Variants in SLC6A15 observed in about 807,000 individuals in gnomAD.
SLC6A15 encodes the protein sodium-dependent neutral amino acid transporter B(0)AT2.
Under a neutral mutation model 68.5 loss-of-function variants are expected in SLC6A15, and 33 were observed. The observed-to-expected ratio is 0.48, with a 90% CI of 0.37 to 0.64. The LOEUF (loss-of-function observed/expected upper bound fraction) is 0.64. SLC6A15 is among the 30% of genes least tolerant of loss of function. SLC6A15 has a pLI of 0.00. For synonymous variants in SLC6A15, 347 were observed against 301.0 expected (o/e 1.15, Z -1.58); for missense variants, 747 against 874.3 (o/e 0.85, Z 1.84).
chr12:84,874,179 C>G (rs896196601), intron 6 of SLC6A15, among the ~76,000 whole-genome samples: 1 of 152,114 alleles, frequency 6.6e-6, no homozygotes. Flanking sequence ...ACTAAGAACA[C>G]GAATTCTACA....
intron 5 of SLC6A15, among the ~76,000 whole-genome samples, chr12:84,877,696 C>A (rs1318209529): frequency 1.3e-5 from 2 of 152,126 alleles, no homozygotes; most frequent in Non-Finnish European, 2.9e-5. Context: ...CTTCCCTGAC[C>A]ACCCAAAATA....
intron 1 of SLC6A15, among the ~76,000 whole-genome samples, chr12:84,911,769 C>G (rs1209079934): frequency 6.6e-6 from 1 of 152,162 alleles, no homozygotes; most frequent in Admixed American, 6.5e-5. Context: ...TAGAAACGAT[C>G]TGGGTTTCTA....
chr12:84,897,859 C>T (rs1872693101), intron 1 of SLC6A15, among the ~76,000 whole-genome samples: 1 of 151,796 alleles, frequency 6.6e-6, no homozygotes. Flanking sequence ...AAAGAGGAGC[C>T]ATGTTGAAGA....
In SLC6A15 at chr12:84,885,526, G is replaced by T. The variant is rs1872058638; in HGVS notation, c.483C>A (p.Ile161=). ...CYFVALYYNV[I]IGWSLFYFSQ... ...AAAAATAAAACAAACTCCAGCCAAT[G>T]ATGACGTTGTAGTAGAGAGCTACAA... Residue 161 remains isoleucine (I), a synonymous_variant, in exon 4 of 12, where the codon ATC becomes ATA. Transcript: ENST00000266682. 6.2e-7 allele frequency: 1 copy of T among 1,613,352 alleles called. No homozygotes were observed. The highest frequency in any genetic ancestry group is 1.1e-5 in the South Asian group (1 of 91,068).
intron 5 of SLC6A15, among the ~76,000 whole-genome samples, chr12:84,878,465 A>G (rs915386605): frequency 6.6e-6 from 1 of 152,108 alleles, no homozygotes; most frequent in African/African-American, 2.4e-5. Context: ...GCATGGATTC[A>G]CTTTTGAACA....
intron 1 of SLC6A15, among the ~76,000 whole-genome samples, chr12:84,910,157 T>G (rs1873367366): frequency 6.6e-6 from 1 of 152,150 alleles, no homozygotes; most frequent in Non-Finnish European, 1.5e-5. Flanking sequence ...TCGATTAAAA[T>G]ACTACATCTC....
At chr12:84,881,913 T>C (rs1250446021) in intron 5 of SLC6A15, 1 of 985,330 alleles carries the variant, frequency 1.0e-6, no homozygotes, top group African/African-American at 1.7e-5. Context: ...TTTCTCCCCA[T>C]CAGTGCCTGT....
intron 1 of SLC6A15, among the ~76,000 whole-genome samples, chr12:84,904,403 TAA>T (rs1272083727): frequency 6.6e-6 from 1 of 152,124 alleles, no homozygotes; most frequent in Non-Finnish European, 1.5e-5. Context: ...AGAATGATTT[TAA>T]AAAGTCATTA....
At chr12:84,904,184 G>T (rs1162232349) in intron 1 of SLC6A15, among the ~76,000 whole-genome samples, 1 of 149,878 alleles carries the variant, frequency 6.7e-6, no homozygotes, top group Non-Finnish European at 1.5e-5. Flanking sequence ...CACATGGAAA[G>T]AGGGAGAGAA....
intron 5 of SLC6A15, among the ~76,000 whole-genome samples, chr12:84,879,028 T>C (rs1179720240): frequency 6.6e-6 from 1 of 151,926 alleles, no homozygotes; most frequent in Non-Finnish European, 1.5e-5. Flanking sequence ...TTCCACACTG[T>C]TTGCTAGCTA....
Position 84,869,273 on chromosome 12 carries a change from C to A in SLC6A15, c.1495+1205G>T, listed in dbSNP as rs1193775320. Among the ~76,000 whole-genome samples the A allele has an allele frequency of 3.3e-5, 5 of 151,994 alleles. No homozygotes were observed. The East Asian group carries it at 7.8e-4, about 24-fold the overall frequency. ...AGGAGATTGAGACCATCCTGGCTAACACGGTGAAACCCCGTCTCTATTAAA... is the reference window on the plus strand; with the variant it reads ...AGGAGATTGAGACCATCCTGGCTAAAACGGTGAAACCCCGTCTCTATTAAA... On this transcript the variant is annotated intron_variant, in intron 9 of 11. Transcript: ENST00000266682.
At chr12:84,868,160 C>T (rs1464351212) in intron 9 of SLC6A15, among the ~76,000 whole-genome samples, 1 of 152,182 alleles carries the variant, frequency 6.6e-6, no homozygotes, top group Non-Finnish European at 1.5e-5. Context: ...AAATTACCTC[C>T]ATCTCTTAAG....
intron 9 of SLC6A15, chr12:84,867,843 A>G (rs1336989286): frequency 6.6e-6 from 1 of 152,174 alleles, no homozygotes; most frequent in Non-Finnish European, 1.5e-5. Context: ...AAATCATCTA[A>G]AAAGAGTTTC....
rs1870772901 is a variant in SLC6A15, at chr12:84,859,855, T to C, written c.*1777A>G. Reference sequence around the variant, plus strand: ...AAGAGAGAATATAGAATGCTGTCATTTATGTAATATATTGTATTTCCAGAA... The same window carrying C: ...AAGAGAGAATATAGAATGCTGTCATCTATGTAATATATTGTATTTCCAGAA... On this transcript the variant is annotated 3_prime_UTR_variant, in exon 12 of 12. Coordinates refer to ENST00000266682, the MANE Select transcript of SLC6A15 (RefSeq NM_182767.6). 1 of 152,018 alleles carries C rather than the reference T, an allele frequency of 6.6e-6. No individual in the cohort carries two copies. The highest frequency in any genetic ancestry group is 1.5e-5 in the Non-Finnish European group (1 of 67,916). 9.4% of individuals were successfully genotyped at this position (152,018 alleles called of 1,614,324 possible). A position where few individuals can be genotyped will look rare whatever the true frequency, so the allele number is the denominator to read the frequency against.
At chr12:84,902,266 T>C (rs1378445922) in intron 1 of SLC6A15, among the ~76,000 whole-genome samples, 1 of 152,022 alleles carries the variant, frequency 6.6e-6, no homozygotes, top group Non-Finnish European at 1.5e-5. Context: ...TATTTATACT[T>C]CATTAAATGT....
At chr12:84,862,274 G>A (rs940023431) in intron 11 of SLC6A15, among the ~76,000 whole-genome samples, 15 of 152,102 alleles carry the variant, frequency 9.9e-5, no homozygotes, top group African/African-American at 3.6e-4. Flanking sequence ...AGAGAGCCCA[G>A]CTCTCCTCCA....
chr12:84,904,171 C>T (rs1288749919), intron 1 of SLC6A15, among the ~76,000 whole-genome samples: 1 of 143,384 alleles, frequency 7.0e-6, no homozygotes, highest in Non-Finnish European at 1.5e-5. Flanking sequence ...CTGCTAGAAA[C>T]CCCACATGGA....
At chr12:84,880,838 A>G (rs1466381519) in intron 5 of SLC6A15, 4 of 880,738 alleles carry the variant, frequency 4.5e-6, no homozygotes, top group Non-Finnish European at 4.1e-6. Flanking sequence ...ATCGAAAACA[A>G]AAACCATTGT....
chr12:84,883,579 C>T (rs1326652937), intron 5 of SLC6A15: 11 of 1,383,674 alleles, frequency 7.9e-6, no homozygotes, highest in Non-Finnish European at 8.4e-6. Flanking sequence ...GAATAAAGGG[C>T]AAAAAGAAAG....
Sources: allele counts gnomAD v4.1 joint callset (sites outside exome capture counted in the v4.1 genomes callset), GRCh38; gene constraint gnomAD v4.1.1; transcripts MANE v1.5; gene names NCBI Gene and HGNC (gene_info 2026-07-23, HGNC 2026-07-21).